AKR1B15: variants seen among roughly 807,000 people sequenced by gnomAD.
The protein encoded by AKR1B15 is aldo-keto reductase family 1 member B15.
In AKR1B15, 49 loss-of-function variants were observed where a neutral mutation model predicts 38.5. The observed-to-expected ratio is 1.27, with a 90% CI of 1.01 to 1.62. AKR1B15 has a LOEUF of 1.62. Among genes scored for constraint, AKR1B15 ranks in the 40% most tolerant of loss-of-function variants. AKR1B15 has a pLI of 0.00. For synonymous variants in AKR1B15, 137 were observed against 135.5 expected (o/e 1.01, Z -0.08); for missense variants, 411 against 381.6 (o/e 1.08, Z -0.64).
chr7:134,550,309 C>T lies in AKR1B15; in HGVS notation c.-147+1060C>T, dbSNP rs1793922048. 2.6e-5 allele frequency among the ~76,000 whole-genome samples: 4 copies of T among 152,320 alleles called. 1 individual carries two copies. The South Asian group carries it at 6.2e-4, about 24-fold the overall frequency. ...CTTTCCTCCTCATCCCCATCCCTTA[C>T]CCTGCACATCTCATTTTCCTGTGTT... On this transcript the variant is annotated intron_variant, in intron 1 of 11. Coordinates refer to ENST00000457545, the MANE Select transcript of AKR1B15 (RefSeq NM_001080538.3).
In AKR1B15 at chr7:134,568,329, C is replaced by T. The variant is rs761991426; in HGVS notation, c.318+4C>T. 3 of 1,613,514 alleles carry T rather than the reference C, an allele frequency of 1.9e-6. No individual in the cohort carries two copies. The highest frequency in any genetic ancestry group is 1.7e-6 in the Non-Finnish European group (2 of 1,179,546). On this transcript the variant is annotated splice_donor_region_variant and intron_variant, in intron 4 of 11. Coordinates refer to ENST00000457545, the MANE Select transcript of AKR1B15 (RefSeq NM_001080538.3). Reference sequence around the variant, plus strand: ...GGACCTGTTCATCGTCAGCAAGGTGCACATGGCGCATTTGGTGGGAGGCCT... The same window carrying T: ...GGACCTGTTCATCGTCAGCAAGGTGTACATGGCGCATTTGGTGGGAGGCCT...
chr7:134,559,410 A>C (rs1260344593), intron 2 of AKR1B15, among the ~76,000 whole-genome samples: 1 of 152,152 alleles, frequency 6.6e-6, no homozygotes, highest in Admixed American at 6.5e-5. Context: ...CAAAACAAAA[A>C]ACTCCAACTA....
At chr7:134,559,862 C>A (rs1379470129) in intron 2 of AKR1B15, among the ~76,000 whole-genome samples, 2 of 152,184 alleles carry the variant, frequency 1.3e-5, no homozygotes, top group African/African-American at 4.8e-5. Flanking sequence ...GTAATCCCAG[C>A]ACTTTGGGAG....
At chr7:134,573,465 C>T in intron 6 of AKR1B15, 1 of 985,366 alleles carries the variant, frequency 1.0e-6, no homozygotes. Flanking sequence ...CTAAAGAAAA[C>T]ATTTGAAAGG....
chr7:134,570,873 C>G (rs1328373731), intron 5 of AKR1B15, among the ~76,000 whole-genome samples: 1 of 152,208 alleles, frequency 6.6e-6, no homozygotes, highest in East Asian at 1.9e-4. Flanking sequence ...TGATTTCTGG[C>G]AGCCCAGACA....
At chr7:134,557,384 A>C (rs1215238904) in intron 2 of AKR1B15, among the ~76,000 whole-genome samples, 1 of 152,090 alleles carries the variant, frequency 6.6e-6, no homozygotes. Flanking sequence ...GTGATACCCT[A>C]ACTTCTTTTA....
chr7:134,562,199 G>A (rs1228893332), intron 2 of AKR1B15, among the ~76,000 whole-genome samples: 1 of 152,182 alleles, frequency 6.6e-6, no homozygotes, highest in African/African-American at 2.4e-5. Context: ...GACTGGAGCA[G>A]CGGACCTTCA....
intron 2 of AKR1B15, among the ~76,000 whole-genome samples, chr7:134,563,554 A>G (rs1378392604): frequency 6.6e-6 from 1 of 152,188 alleles, no homozygotes; most frequent in Non-Finnish European, 1.5e-5. Context: ...TCTCAAAAAC[A>G]AACAAACAAA....
At chr7:134,557,382 C>G (rs1399899649) in intron 2 of AKR1B15, among the ~76,000 whole-genome samples, 1 of 152,100 alleles carries the variant, frequency 6.6e-6, no homozygotes, top group African/African-American at 2.4e-5. Context: ...ATGTGATACC[C>G]TAACTTCTTT....
At chr7:134,578,898 A>C (rs2117676934) in intron 11 of AKR1B15, among the ~76,000 whole-genome samples, 1 of 152,270 alleles carries the variant, frequency 6.6e-6, no homozygotes, top group African/African-American at 2.4e-5. Context: ...AAACTAAAAC[A>C]CTTACTTTCC....
intron 2 of AKR1B15, among the ~76,000 whole-genome samples, chr7:134,562,842 CTTTCTTTCTTTCTTTCTTTCTTTCTT>C (rs1562946948): frequency 1.3e-5 from 1 of 74,222 alleles, no homozygotes; most frequent in Non-Finnish European, 2.8e-5. Context: ...CTCTTTCTTT[CTTTCTTTCTTTCTTTCTTTCTTTCTT>C]TCTTTCTTTC....
intron 6 of AKR1B15, among the ~76,000 whole-genome samples, chr7:134,572,241 G>A (rs1277905994): frequency 1.3e-5 from 2 of 152,108 alleles, no homozygotes; most frequent in Non-Finnish European, 2.9e-5. Flanking sequence ...ACTTGCCCAG[G>A]TCATGTCACA....
chr7:134,575,091 A>G (rs1045538879), intron 6 of AKR1B15, among the ~76,000 whole-genome samples: 1 of 152,208 alleles, frequency 6.6e-6, no homozygotes, highest in African/African-American at 2.4e-5. Flanking sequence ...GTTGATTTTT[A>G]TTTATTTTTT....
intron 1 of AKR1B15, among the ~76,000 whole-genome samples, chr7:134,550,606 T>C (rs747788667): frequency 6.6e-6 from 1 of 152,216 alleles, no homozygotes; most frequent in Non-Finnish European, 1.5e-5. Context: ...CTTCTAGCTA[T>C]AATACTTCTG....
intron 5 of AKR1B15, among the ~76,000 whole-genome samples, chr7:134,571,309 T>C (rs1203024643): frequency 6.6e-6 from 1 of 152,180 alleles, no homozygotes; most frequent in Non-Finnish European, 1.5e-5. Flanking sequence ...CCCTTGGGTG[T>C]GTATAGGATG....
intron 2 of AKR1B15, among the ~76,000 whole-genome samples, chr7:134,562,832 C>CTTTCTTTCTTTCTTTTCTT (rs1554402357): frequency 2.1e-4 from 26 of 122,690 alleles, no homozygotes; most frequent in African/African-American, 7.3e-4. Context: ...TCCTTCCTTT[C>CTTTCTTTCTTTCTTTTCTT]TCTTTCTTTC....
chr7:134,571,723 TCA>T (rs754200733), intron 6 of AKR1B15, 42 bp downstream of exon 6: 13 of 1,494,734 alleles, frequency 8.7e-6, no homozygotes, highest in Non-Finnish European at 9.3e-6. Context: ...AGAGAAATCC[TCA>T]GTTATCCATG....
intron 8 of AKR1B15, 119 bp downstream of exon 8, chr7:134,576,046 C>T (rs1794762767): frequency 5.4e-6 from 8 of 1,472,346 alleles, no homozygotes; most frequent in Admixed American, 2.5e-5. Context: ...TAAGGTAACA[C>T]GTTTGGTACA....
chr7:134,557,057 A>G (rs1445350094), intron 2 of AKR1B15, among the ~76,000 whole-genome samples, 198 bp downstream of exon 2: 1 of 152,160 alleles, frequency 6.6e-6, no homozygotes, highest in Non-Finnish European at 1.5e-5. Context: ...ATACTCTTCA[A>G]AGAGTTCGAG....
Sources: gnomAD v4.1 joint callset for allele counts (sites outside exome capture counted in the v4.1 genomes callset) on GRCh38, gnomAD v4.1.1 for gene constraint, MANE v1.5 for transcripts, NCBI Gene and HGNC (gene_info 2026-07-23, HGNC 2026-07-21) for gene names.